CYP2J2: variants seen among roughly 807,000 people sequenced by gnomAD.
The protein encoded by CYP2J2 is cytochrome P450 family 2 subfamily J member 2.
In CYP2J2, 41 loss-of-function variants were observed where a neutral mutation model predicts 48.8. That is an observed-to-expected ratio of 0.84 (90% confidence interval 0.66 to 1.09). The LOEUF is 1.09. Among genes scored for constraint, CYP2J2 ranks in the 50% least tolerant of loss-of-function variants. CYP2J2 has a pLI of 0.00. For missense variants in CYP2J2, 644 were observed against 617.3 expected (o/e 1.04, Z -0.46); for synonymous variants, 221 against 227.1 (o/e 0.97, Z 0.24).
intron 7 of CYP2J2, 72 bp from the exon 8 acceptor site, chr1:59,901,175 T>A: frequency 6.6e-7 from 1 of 1,522,708 alleles, no homozygotes; most frequent in Non-Finnish European, 9.0e-7. Flanking sequence ...GGGGTGGTCA[T>A]CCTCCGGCTT....
upstream of CYP2J2, among the ~76,000 whole-genome samples, chr1:59,929,612 C>G (rs939568722): frequency 1.3e-5 from 2 of 151,702 alleles, no homozygotes; most frequent in Non-Finnish European, 1.5e-5. Context: ...TTGAAAATTG[C>G]AATAACTGAA....
chr1:59,899,671 A>G (rs1235228809), intron 8 of CYP2J2, among the ~76,000 whole-genome samples: 6 of 152,222 alleles, frequency 3.9e-5, no homozygotes, highest in South Asian at 4.1e-4. Flanking sequence ...CATTGATCCT[A>G]CCTCTGCCAG....
chr1:59,945,288 T>A, the CYP2J2 span, among the ~76,000 whole-genome samples: 2 of 151,968 alleles, frequency 1.3e-5, no homozygotes, highest in African/African-American at 4.8e-5. Context: ...AAGAGAGAGA[T>A]CTAACTTCAT....
the CYP2J2 span, among the ~76,000 whole-genome samples, chr1:59,940,006 G>C: frequency 6.6e-6 from 1 of 152,144 alleles, no homozygotes; most frequent in South Asian, 2.1e-4. Context: ...GGAAGGTCCA[G>C]AAGTGCCATC....
At chr1:59,955,194 G>T in the CYP2J2 span, among the ~76,000 whole-genome samples, 1 of 146,406 alleles carries the variant, frequency 6.8e-6, no homozygotes, top group Non-Finnish European at 1.5e-5. Context: ...AAAAATATGT[G>T]CATATGCACG....
In CYP2J2 at chr1:59,893,746, T is replaced by G; in HGVS notation, c.1414A>C (p.Arg472=). 2.5e-6 allele frequency: 4 copies of G among 1,613,260 alleles called. No homozygotes were observed. The highest frequency in any genetic ancestry group is 3.4e-6 in the Non-Finnish European group (4 of 1,179,640). Residue 472 remains arginine, a synonymous_variant, in exon 9 of 9, where the codon AGG becomes CGG. Transcript: ENST00000371204. ...FTSLMQKFTF[R]PPNNEKLSLK... is the part of the protein sequence containing the mutation. Reference sequence around the variant, plus strand: ...CTCAGCTTCTCATTGTTTGGGGGCCTGAAGGTAAATTTTTGCATAAGGGAA... The same window carrying G: ...CTCAGCTTCTCATTGTTTGGGGGCCGGAAGGTAAATTTTTGCATAAGGGAA...
intron 8 of CYP2J2, among the ~76,000 whole-genome samples, chr1:59,899,482 C>CTGAG (rs1468585897): frequency 6.6e-6 from 1 of 152,210 alleles, no homozygotes; most frequent in East Asian, 1.9e-4. Flanking sequence ...TCTGCCCTTT[C>CTGAG]TGAGCCTCAG....
the CYP2J2 span, among the ~76,000 whole-genome samples, chr1:59,957,016 T>A: frequency 6.6e-5 from 10 of 152,152 alleles, no homozygotes; most frequent in African/African-American, 2.4e-4. Flanking sequence ...TGCTGGCCTA[T>A]CCCCATCATG....
intron 8 of CYP2J2, among the ~76,000 whole-genome samples, chr1:59,897,976 G>C (rs1003348755): frequency 1.3e-5 from 2 of 152,158 alleles, no homozygotes; most frequent in African/African-American, 4.8e-5. Flanking sequence ...GGATTCTTCA[G>C]ATTTCTATCT....
intron 7 of CYP2J2, among the ~76,000 whole-genome samples, chr1:59,902,594 T>A (rs548932598): frequency 1.3e-5 from 2 of 152,140 alleles, no homozygotes; most frequent in South Asian, 4.2e-4. Flanking sequence ...TTTTATATTT[T>A]TAGTAGAGAC....
At chr1:59,922,073 C>A (rs1275065052) in intron 1 of CYP2J2, among the ~76,000 whole-genome samples, 1 of 152,182 alleles carries the variant, frequency 6.6e-6, no homozygotes, top group Non-Finnish European at 1.5e-5. Flanking sequence ...TCGTGACCCC[C>A]CTGGACCCAG....
intron 6 of CYP2J2, among the ~76,000 whole-genome samples, chr1:59,906,511 G>T (rs766372909): frequency 1.3e-5 from 2 of 151,914 alleles, no homozygotes; most frequent in Non-Finnish European, 2.9e-5. Flanking sequence ...TCTTATTTGG[G>T]GGTAAAATAC....
the CYP2J2 span, among the ~76,000 whole-genome samples, chr1:59,944,008 T>C: frequency 6.6e-6 from 1 of 152,244 alleles, no homozygotes; most frequent in Non-Finnish European, 1.5e-5. Flanking sequence ...GTATACTTAG[T>C]GGCCCCTTTA....
chr1:59,911,793 G>A (rs1644418386), intron 3 of CYP2J2, 25 bp from the exon 4 acceptor site: 1 of 1,603,912 alleles, frequency 6.2e-7, no homozygotes, highest in South Asian at 1.1e-5. Context: ...AGGGCAAGAT[G>A]GATCCTTCTG....
chr1:59,948,639 T>G, the CYP2J2 span, among the ~76,000 whole-genome samples: 2 of 152,240 alleles, frequency 1.3e-5, no homozygotes, highest in South Asian at 4.1e-4. Context: ...ACTACCTTAT[T>G]GCACTAATAA....
the CYP2J2 span, among the ~76,000 whole-genome samples, chr1:59,946,032 T>C: frequency 6.6e-6 from 1 of 152,252 alleles, no homozygotes; most frequent in East Asian, 1.9e-4. Flanking sequence ...TGAACATTCA[T>C]GCACAATCGT....
rs899775567 is a variant in CYP2J2 at position 59,904,125 on chromosome 1, C to T, written c.1191+746G>A. Among the ~76,000 whole-genome samples, 14 of 152,114 alleles carry T rather than the reference C, an allele frequency of 9.2e-5. No individual in the cohort carries two copies. In the South Asian group the frequency reaches 1.2e-3, roughly 14 times the overall value. The stretch of plus-strand genomic sequence containing the variant: ...CAGTGGCTCACACCTGTAATCCCAG[C>T]ACTTTGGGAGGCCGAGGTGGGTGGA... On this transcript the variant is annotated intron_variant, in intron 7 of 8. Transcript: ENST00000371204.
the CYP2J2 span, among the ~76,000 whole-genome samples, chr1:59,957,925 A>G: frequency 1.3e-5 from 2 of 152,168 alleles, no homozygotes; most frequent in Non-Finnish European, 2.9e-5. Context: ...GCCTTCTGGA[A>G]GCAATACTAG....
At chr1:59,905,497 G>T (rs1289969039) in intron 6 of CYP2J2, among the ~76,000 whole-genome samples, 1 of 152,114 alleles carries the variant, frequency 6.6e-6, no homozygotes, top group African/African-American at 2.4e-5. Context: ...TGGTAATAAG[G>T]TTTCAACATA....
Sources: allele counts gnomAD v4.1 joint callset (sites outside exome capture counted in the v4.1 genomes callset), GRCh38; gene constraint gnomAD v4.1.1; transcripts MANE v1.5; gene names NCBI Gene and HGNC (gene_info 2026-07-23, HGNC 2026-07-21).